ADD3: variants seen among roughly 807,000 people sequenced by gnomAD.
ADD3 encodes gamma-adducin.
Under a neutral mutation model 80.2 loss-of-function variants are expected in ADD3, and 25 were observed. The observed-to-expected ratio is 0.31, with a 90% confidence interval of 0.23 to 0.44. ADD3 has a LOEUF of 0.44. ADD3 is among the 20% of genes least tolerant of loss of function. The probability of loss-of-function intolerance (pLI) is 1.00; values close to 1 mark genes in which losing one functional copy is unlikely to be tolerated. For synonymous variants in ADD3, 284 were observed against 289.6 expected (o/e 0.98, Z 0.20); for missense variants, 829 against 847.5 (o/e 0.98, Z 0.27).
rs1846675893 is a variant in ADD3, at chr10:110,085,964, G to T, written c.-29-14661G>T. On this transcript the variant is annotated intron_variant, in intron 1 of 14. Coordinates refer to ENST00000356080, the MANE Select transcript of ADD3 (RefSeq NM_016824.5). ...CTACTAAAAATACAAAATTAGCTGG[G>T]CGTGGTGGTACAAGCCTGTAATCCC... Among the ~76,000 whole-genome samples, 3 of 152,054 alleles carry T rather than the reference G, an allele frequency of 2.0e-5. No homozygotes were observed. In the South Asian group the frequency reaches 6.2e-4, roughly 32 times the overall value.
chr10:110,062,334 C>T lies in ADD3; in HGVS notation c.-29-38291C>T, dbSNP rs968166477. Among the ~76,000 whole-genome samples, 6 of 147,940 alleles carry T rather than the reference C, an allele frequency of 4.1e-5. No individual in the cohort carries two copies. The East Asian group carries it at 5.9e-4, about 15-fold the overall frequency. On this transcript the variant is annotated intron_variant, in intron 1 of 14. Coordinates refer to ENST00000356080, the MANE Select transcript of ADD3 (RefSeq NM_016824.5). ...GCTTGAACCTGGAAGGCAGAGGTTG[C>T]GGTGAGCCAAGATCATGCCATTGCA...
chr10:110,112,538 TATA>T (rs1850180877), intron 2 of ADD3, among the ~76,000 whole-genome samples: 1 of 152,004 alleles, frequency 6.6e-6, no homozygotes, highest in Non-Finnish European at 1.5e-5. Context: ...GTGTAGATAT[TATA>T]ATATCTCATT....
chr10:110,066,956 T>A (rs553068296), intron 1 of ADD3, among the ~76,000 whole-genome samples: 5 of 152,334 alleles, frequency 3.3e-5, no homozygotes, highest in African/African-American at 1.2e-4. Flanking sequence ...TACAAACTGG[T>A]AAGCCAAAAT....
At chr10:110,105,430 G>C (rs2133988800) in intron 2 of ADD3, among the ~76,000 whole-genome samples, 1 of 152,278 alleles carries the variant, frequency 6.6e-6, no homozygotes, top group Middle Eastern at 3.4e-3. Flanking sequence ...ACAAGAGATG[G>C]TTACTAAATT....
In ADD3 at chr10:110,112,494, T is replaced by C. The variant is rs142345511; in HGVS notation, c.196-283T>C. 2.3e-3 allele frequency: 612 copies of C among 262,380 alleles called. 3 individuals are homozygous for C. The highest frequency in any genetic ancestry group is 0.013 in the African/African-American group (569 of 44,962). 16.3% of individuals were successfully genotyped at this position (262,380 alleles called of 1,614,324 possible). On this transcript the variant is annotated intron_variant, in intron 2 of 14. Transcript: ENST00000356080. ...ATGGTTTCTTGGTGCTTGAGTTGTA[T>C]ATTAATAAGAGGAGTTTTATCTGTG... is the stretch of plus-strand genomic sequence containing the variant.
chr10:110,061,288 T>C (rs545413829), intron 1 of ADD3, among the ~76,000 whole-genome samples: 29 of 152,354 alleles, frequency 1.9e-4, no homozygotes, highest in African/African-American at 7.0e-4. Context: ...GAGAGGGACT[T>C]ATGGGATTGA....
Position 110,119,195 on chromosome 10 carries a change from G to C in ADD3, c.718-16G>C. The C allele has an allele frequency of 6.2e-7, 1 of 1,613,436 alleles. No individual in the cohort carries two copies. Among genetic ancestry groups the C allele is most frequent in the Non-Finnish European group, 8.5e-7 (1 of 1,179,704 alleles). ...GTAACCAAATGTGTTATCTTGGTATGGGCCAAACCAAATAGGTATCCTCCA... is the reference window on the plus strand; with the variant it reads ...GTAACCAAATGTGTTATCTTGGTATCGGCCAAACCAAATAGGTATCCTCCA... On this transcript the variant is annotated splice_polypyrimidine_tract_variant and intron_variant, in intron 6 of 14. Transcript: ENST00000356080.
rs540166796 is a variant in ADD3 at position 110,014,636 on chromosome 10, C to G, written c.-30+6337C>G. ...CTACCTCCTGGGCTCAAGGGATTCT[C>G]CTGCCTCAGCCTTCCTGAGTATCTG... On this transcript the variant is annotated intron_variant, in intron 1 of 14. Transcript: ENST00000356080. Among the ~76,000 whole-genome samples, 11 of 152,212 alleles carry G rather than the reference C, an allele frequency of 7.2e-5. No homozygotes were observed. The South Asian group carries it at 2.3e-3, about 32-fold the overall frequency.
intron 1 of ADD3, among the ~76,000 whole-genome samples, chr10:110,032,143 T>C (rs925986349): frequency 6.6e-6 from 1 of 152,180 alleles, no homozygotes; most frequent in South Asian, 2.1e-4. Context: ...AGGAAAGAGA[T>C]TTTTATAGAC....
intron 1 of ADD3, among the ~76,000 whole-genome samples, chr10:110,048,361 T>C (rs1334836114): frequency 6.6e-6 from 1 of 152,200 alleles, no homozygotes; most frequent in Non-Finnish European, 1.5e-5. Flanking sequence ...GGGGTGCTGC[T>C]GTAAAGATGC....
chr10:110,018,116 A>G (rs1022465209), intron 1 of ADD3, among the ~76,000 whole-genome samples: 3 of 152,218 alleles, frequency 2.0e-5, no homozygotes, highest in African/African-American at 7.2e-5. Flanking sequence ...AGTCAAACAT[A>G]GGAATGGTCA....
upstream of ADD3, among the ~76,000 whole-genome samples, chr10:110,001,186 G>A (rs1240437613): frequency 1.3e-5 from 2 of 152,120 alleles, no homozygotes; most frequent in Non-Finnish European, 2.9e-5. Context: ...AAGCCGAGGT[G>A]GGTGGGTCAC....
chr10:110,003,882 T>C (rs543971060), upstream of ADD3, among the ~76,000 whole-genome samples: 1 of 152,188 alleles, frequency 6.6e-6, no homozygotes, highest in Non-Finnish European at 1.5e-5. Context: ...AGTCAGTTGT[T>C]TTGGACAATG....
intron 1 of ADD3, among the ~76,000 whole-genome samples, chr10:110,094,321 A>T (rs1458616920): frequency 6.6e-6 from 1 of 152,194 alleles, no homozygotes; most frequent in Non-Finnish European, 1.5e-5. Context: ...ATGATTTTAT[A>T]ATATGATATT....
At chr10:110,108,534 T>G (rs868065011) in intron 2 of ADD3, among the ~76,000 whole-genome samples, 1 of 152,168 alleles carries the variant, frequency 6.6e-6, no homozygotes, top group Non-Finnish European at 1.5e-5. Context: ...CATTGAACTT[T>G]AGTAAAAATA....
At chr10:110,125,582 A>G (rs1036496720) in intron 10 of ADD3, among the ~76,000 whole-genome samples, 3 of 152,202 alleles carry the variant, frequency 2.0e-5, no homozygotes, top group Non-Finnish European at 4.4e-5. Context: ...ACAAGGAGAA[A>G]GTTTAATTAG....
chr10:109,998,172 G>C (rs1851416486), intron 1 of ADD3, among the ~76,000 whole-genome samples: 1 of 152,084 alleles, frequency 6.6e-6, no homozygotes, highest in Non-Finnish European at 1.5e-5. Flanking sequence ...GAAGAAAGAG[G>C]GTAATCTCAA....
At chr10:110,015,610 G>A (rs1477093994) in intron 1 of ADD3, among the ~76,000 whole-genome samples, 4 of 151,920 alleles carry the variant, frequency 2.6e-5, no homozygotes, top group Admixed American at 6.6e-5. Flanking sequence ...TCCTGACCTC[G>A]TGATCCGTCC....
intron 1 of ADD3, among the ~76,000 whole-genome samples, chr10:110,063,736 ATTATATATATATATATATATATATATAT>A (rs1175055166): frequency 2.6e-4 from 12 of 45,814 alleles, no homozygotes; most frequent in African/African-American, 8.8e-4. Flanking sequence ...ATATATATTC[ATTATATATATATATATATATATATATAT>A]ATATATATAT....
Sources: gnomAD v4.1 joint callset for allele counts (sites outside exome capture counted in the v4.1 genomes callset) on GRCh38, gnomAD v4.1.1 for gene constraint, MANE v1.5 for transcripts, NCBI Gene and HGNC (gene_info 2026-07-23, HGNC 2026-07-21) for gene names.